The following SMYD3 variants were observed in gnomAD, a reference collection of about 807,000 sequenced individuals.
SMYD3 encodes SET and MYND domain containing 3, also known as histone-lysine N-methyltransferase SMYD3.
In SMYD3, 36 loss-of-function variants were observed where a neutral mutation model predicts 57.7. That is an observed-to-expected ratio of 0.62 (90% CI 0.48 to 0.82). The LOEUF is 0.82. SMYD3 is among the 40% of genes least tolerant of loss of function. The pLI, the probability that SMYD3 is intolerant of heterozygous loss-of-function variation, is 0.00. For missense variants in SMYD3, 515 were observed against 538.8 expected (o/e 0.96, Z 0.44); for synonymous variants, 211 against 195.0 (o/e 1.08, Z -0.68).
chr1:246,255,986 A>ATAGATAGG (rs2063884643), intron 5 of SMYD3, among the ~76,000 whole-genome samples: 1 of 151,166 alleles, frequency 6.6e-6, no homozygotes, highest in Non-Finnish European at 1.5e-5. Flanking sequence ...AGATAGATAG[A>ATAGATAGG]TACACACACA....
intron 1 of SMYD3, among the ~76,000 whole-genome samples, chr1:246,451,971 C>T (rs1572513197): frequency 1.3e-5 from 2 of 152,272 alleles, no homozygotes; most frequent in East Asian, 3.9e-4. Context: ...CTGCTTACCC[C>T]AAGTAGCTGA....
intron 1 of SMYD3, among the ~76,000 whole-genome samples, chr1:246,358,945 AGAAAAGAAAT>A (rs1282557158): frequency 3.9e-5 from 6 of 152,222 alleles, no homozygotes; most frequent in Admixed American, 1.3e-4. Context: ...ATGCAGCAGA[AGAAAAGAAAT>A]AACAAAGATC....
At chr1:246,331,692 T>C (rs1451102843) in intron 3 of SMYD3, among the ~76,000 whole-genome samples, 1 of 152,234 alleles carries the variant, frequency 6.6e-6, no homozygotes, top group Non-Finnish European at 1.5e-5. Flanking sequence ...CTTCACTTTA[T>C]AGTGCTTTGC....
intron 5 of SMYD3, among the ~76,000 whole-genome samples, chr1:245,948,752 G>A (rs1372661299): frequency 6.6e-6 from 1 of 152,166 alleles, no homozygotes; most frequent in East Asian, 1.9e-4. Flanking sequence ...GCCACTAGCA[G>A]TGACCCTGTG....
chr1:246,003,961 A>G (rs535179603), intron 5 of SMYD3, among the ~76,000 whole-genome samples: 2 of 152,264 alleles, frequency 1.3e-5, no homozygotes, highest in South Asian at 2.1e-4. Flanking sequence ...AAGCTCAGGT[A>G]TGAGTTCTGG....
intron 6 of SMYD3, among the ~76,000 whole-genome samples, chr1:245,928,257 G>A (rs984447113): frequency 2.6e-5 from 4 of 152,048 alleles, no homozygotes; most frequent in Admixed American, 2.6e-4. Context: ...AGGGAATTCC[G>A]TCATTTAATA....
chr1:246,123,016 TAGAG>T (rs1237067820), intron 5 of SMYD3, among the ~76,000 whole-genome samples: 8 of 152,166 alleles, frequency 5.3e-5, no homozygotes, highest in African/African-American at 1.9e-4. Context: ...TAATACCTTA[TAGAG>T]CTAAAGAGAA....
intron 5 of SMYD3, among the ~76,000 whole-genome samples, chr1:246,142,445 G>A (rs140082771): frequency 1.3e-5 from 2 of 151,866 alleles, no homozygotes; most frequent in Non-Finnish European, 2.9e-5. Context: ...AATTGACAGC[G>A]CTAGTCTTGC....
Position 245,951,672 on chromosome 1 carries a change from T to C in SMYD3, c.532-21735A>G, listed in dbSNP as rs1046516249. ...CCAGGAGAACTCTCCACTTTTCCCC[T>C]GTGTTGTCCTTTTTCATAATCCCTG... On this transcript the variant is annotated intron_variant, in intron 5 of 11. Transcript: ENST00000490107. Among the ~76,000 whole-genome samples, 10 of 151,472 alleles carry C rather than the reference T, an allele frequency of 6.6e-5. 1 individual carries two copies. The highest frequency in any genetic ancestry group is 2.2e-4 in the African/African-American group (9 of 41,076).
intron 5 of SMYD3, among the ~76,000 whole-genome samples, chr1:245,987,024 A>G (rs2058718942): frequency 6.6e-6 from 1 of 152,190 alleles, no homozygotes; most frequent in African/African-American, 2.4e-5. Flanking sequence ...ATGAGTCACC[A>G]CTTGCGGATG....
chr1:246,410,827 A>G (rs1008284069), intron 1 of SMYD3, among the ~76,000 whole-genome samples: 1 of 152,010 alleles, frequency 6.6e-6, no homozygotes, highest in Non-Finnish European at 1.5e-5. Context: ...GTAAGCTATT[A>G]ATTATTGCCT....
In SMYD3 at chr1:246,147,779, G is replaced by A. The variant is rs112082000; in HGVS notation, c.531+179422C>T. Among the ~76,000 whole-genome samples the A allele has an allele frequency of 4.1e-3, 620 of 152,082 alleles. 7 individuals are homozygous for A. Among genetic ancestry groups the A allele is most frequent in the African/African-American group, 0.014 (576 of 41,500 alleles). On this transcript the variant is annotated intron_variant, in intron 5 of 11. Coordinates refer to ENST00000490107, the MANE Select transcript of SMYD3 (RefSeq NM_001167740.2). ...TGCTGCGGCTGCAGACCTGGGCTTC[G>A]CGCTCAATCGAGCAGGCAGGAGCCA...
intron 5 of SMYD3, among the ~76,000 whole-genome samples, chr1:246,132,223 G>A (rs1311625202): frequency 6.6e-6 from 1 of 152,068 alleles, no homozygotes; most frequent in Admixed American, 6.6e-5. Flanking sequence ...AAACTCATCA[G>A]ATTGGAAGAC....
rs959402589 is a variant in SMYD3, at chr1:246,444,808, C to T, written c.164+62246G>A. On this transcript the variant is annotated intron_variant, in intron 1 of 11. Transcript: ENST00000490107. ...CATTGGAAGCCAGGCACACAAAACG[C>T]AAAAGCTGTCAGTCATAATGTTCTA... Among the ~76,000 whole-genome samples, 4 of 152,258 alleles carry T rather than the reference C, an allele frequency of 2.6e-5. No individual in the cohort carries two copies. In the East Asian group the frequency reaches 7.7e-4, roughly 29 times the overall value.
intron 5 of SMYD3, among the ~76,000 whole-genome samples, chr1:245,959,671 C>T (rs4323674): frequency 0.14 from 20,563 of 152,212 alleles, 1,747 homozygotes; most frequent in East Asian, 0.41. Flanking sequence ...TCATCTTATA[C>T]CAGTGCTGTC....
At chr1:246,139,357 C>T (rs1241633366) in intron 5 of SMYD3, among the ~76,000 whole-genome samples, 3 of 152,196 alleles carry the variant, frequency 2.0e-5, no homozygotes, top group African/African-American at 7.2e-5. Flanking sequence ...TGGTTGACTT[C>T]ATTCTACCTA....
intron 5 of SMYD3, among the ~76,000 whole-genome samples, chr1:245,983,362 TC>T (rs1174212946): frequency 6.6e-6 from 1 of 152,238 alleles, no homozygotes; most frequent in African/African-American, 2.4e-5. Context: ...AAATGCTGCT[TC>T]TTTATCCAAA....
intron 1 of SMYD3, among the ~76,000 whole-genome samples, chr1:246,492,851 G>T (rs1245812868): frequency 6.6e-6 from 1 of 152,204 alleles, no homozygotes; most frequent in African/African-American, 2.4e-5. Context: ...CAAGGAGCCG[G>T]TTTGAACTGG....
chr1:245,980,819 T>C (rs1359577673), intron 5 of SMYD3, among the ~76,000 whole-genome samples: 2 of 152,228 alleles, frequency 1.3e-5, no homozygotes, highest in African/African-American at 2.4e-5. Context: ...TCTCAGTGGA[T>C]TGGCATTGTC....
Sources: gnomAD v4.1 joint callset for allele counts (sites outside exome capture counted in the v4.1 genomes callset) on GRCh38, gnomAD v4.1.1 for gene constraint, MANE v1.5 for transcripts, NCBI Gene and HGNC (gene_info 2026-07-23, HGNC 2026-07-21) for gene names.